The following NRF1 variants were observed in gnomAD, a reference collection of about 807,000 sequenced individuals.
NRF1 encodes the protein nuclear respiratory factor 1.
In NRF1, 5 loss-of-function variants were observed where a neutral mutation model predicts 58.5. The observed-to-expected ratio is 0.09, with a 90% CI of 0.04 to 0.18. NRF1 has a LOEUF of 0.18. NRF1 is among the 10% of genes least tolerant of loss of function. The pLI is 1.00. For synonymous variants in NRF1, 224 were observed against 246.7 expected (o/e 0.91, Z 0.86); for missense variants, 288 against 657.7 (o/e 0.44, Z 6.15).
intron 5 of NRF1, among the ~76,000 whole-genome samples, chr7:129,696,101 G>A (rs1421021859): frequency 3.5e-5 from 5 of 144,702 alleles, no homozygotes; most frequent in African/African-American, 5.1e-5. Flanking sequence ...CAAATTAGCC[G>A]GGCTTAGTGG....
At chr7:129,672,796 T>C (rs1187631621) in intron 3 of NRF1, among the ~76,000 whole-genome samples, 1 of 152,172 alleles carries the variant, frequency 6.6e-6, no homozygotes, top group Non-Finnish European at 1.5e-5. Context: ...TTGTGATGCC[T>C]CTAACCATTA....
chr7:129,675,404 CT>C (rs1802153131), intron 3 of NRF1, among the ~76,000 whole-genome samples: 1 of 152,200 alleles, frequency 6.6e-6, no homozygotes, highest in African/African-American at 2.4e-5. Flanking sequence ...TTAATGGCAT[CT>C]TGAATGGTGA....
At chr7:129,657,619 T>TTC in intron 2 of NRF1, 45 bp downstream of exon 2, 1 of 1,426,510 alleles carries the variant, frequency 7.0e-7, no homozygotes. Flanking sequence ...TTTTTTTTTT[T>TTC]TTTTTTTGGA....
intron 1 of NRF1, among the ~76,000 whole-genome samples, chr7:129,613,823 G>A (rs938540751): frequency 2.0e-5 from 3 of 152,178 alleles, no homozygotes; most frequent in Non-Finnish European, 2.9e-5. Flanking sequence ...GCCGAGGCAA[G>A]AGAATCGCTT....
chr7:129,658,359 A>G (rs967118889), intron 2 of NRF1, among the ~76,000 whole-genome samples: 10 of 152,166 alleles, frequency 6.6e-5, no homozygotes, highest in African/African-American at 2.2e-4. Flanking sequence ...TGGGAGGCCA[A>G]GGTGGGAGGA....
intron 5 of NRF1, among the ~76,000 whole-genome samples, chr7:129,699,299 T>C (rs1401873454): frequency 1.3e-5 from 2 of 152,110 alleles, no homozygotes; most frequent in African/African-American, 2.4e-5. Context: ...TTTGTTCTGT[T>C]TTGAAAAAAC....
chr7:129,734,607 A>G (rs1244315098), intron 10 of NRF1, among the ~76,000 whole-genome samples: 2 of 152,134 alleles, frequency 1.3e-5, no homozygotes, highest in Non-Finnish European at 2.9e-5. Context: ...CTCCCTCTGC[A>G]CACACACAGG....
rs558880717 is a variant in NRF1 at position 129,637,736 on chromosome 7, T to C, written c.-6-19610T>C. 3.9e-5 allele frequency among the ~76,000 whole-genome samples: 6 copies of C among 152,344 alleles called. No homozygotes were observed. The East Asian group carries it at 1.2e-3, about 29-fold the overall frequency. ...TTGTGTGTCAATACACATAAATCTATTTCATCCTTTAAGACAAGCTTATCC... is the reference window on the plus strand; with the variant it reads ...TTGTGTGTCAATACACATAAATCTACTTCATCCTTTAAGACAAGCTTATCC... On this transcript the variant is annotated intron_variant, in intron 1 of 10. Transcript: ENST00000393232.
At chr7:129,711,656 T>A in intron 8 of NRF1, 80 bp downstream of exon 8, 1 of 1,103,208 alleles carries the variant, frequency 9.1e-7, no homozygotes, top group Non-Finnish European at 1.3e-6. Flanking sequence ...GAAGATGGAG[T>A]AGCCTGCATG....
At chr7:129,691,364 A>ATTTT (rs35512508) in intron 5 of NRF1, among the ~76,000 whole-genome samples, 126 of 134,086 alleles carry the variant, frequency 9.4e-4, no homozygotes, top group Non-Finnish European at 1.1e-3. Flanking sequence ...TATTATTATT[A>ATTTT]TTTTTTTTTT....
chr7:129,636,215 T>C (rs1450710706), intron 1 of NRF1, among the ~76,000 whole-genome samples: 1 of 115,696 alleles, frequency 8.6e-6, no homozygotes, highest in East Asian at 2.8e-4. Flanking sequence ...TCATCCTGTT[T>C]TTGTTCAATG....
At chr7:129,694,879 G>A (rs1270318965) in intron 5 of NRF1, among the ~76,000 whole-genome samples, 1 of 152,148 alleles carries the variant, frequency 6.6e-6, no homozygotes, top group Non-Finnish European at 1.5e-5. Context: ...ATGCCCTCCA[G>A]TTAAACACAG....
intron 1 of NRF1, among the ~76,000 whole-genome samples, chr7:129,624,288 C>T (rs188578658): frequency 6.7e-4 from 102 of 152,208 alleles, no homozygotes; most frequent in African/African-American, 2.3e-3. Context: ...CATTTGTTTG[C>T]ATATTGCTTG....
chr7:129,691,635 G>A (rs760669624), intron 5 of NRF1, among the ~76,000 whole-genome samples: 17 of 152,072 alleles, frequency 1.1e-4, no homozygotes, highest in Non-Finnish European at 1.9e-4. Context: ...GATTACAGGC[G>A]TGAGCCACCA....
At position 129,671,508 on chromosome 7, in the gene NRF1, A is replaced by T. The variant is rs1445228203; in HGVS notation, c.303A>T (p.Pro101=). The change falls in exon 3 of 11, where the codon CCA becomes CCT. Residue 101 remains proline (P), a synonymous_variant. Coordinates refer to ENST00000393232, the MANE Select transcript of NRF1 (RefSeq NM_005011.5). ...RKRPHVFESN[P]SIRKRQQTRL... ...GGCCTCATGTATTTGAGTCTAATCC[A>T]TCTATCCGGAAGAGGCAACAAACAC... 1.2e-6 allele frequency: 2 copies of T among 1,613,380 alleles called. 1 individual carries two copies. Among genetic ancestry groups the T allele is most frequent in the South Asian group, 2.2e-5 (2 of 91,066 alleles).
chr7:129,704,306 G>A (rs563495822), intron 5 of NRF1, among the ~76,000 whole-genome samples: 78 of 151,738 alleles, frequency 5.1e-4, no homozygotes, highest in Non-Finnish European at 9.1e-4. Context: ...TTCTTCTGCC[G>A]CCTTCTGCTT....
Position 129,741,028 on chromosome 7 carries a change from C to T in NRF1, c.1348+13663C>T, listed in dbSNP as rs368236351. ...TACCTCTAGTCGACATGTCAGGGCC[C>T]CAAAGGAATCAAGTCCCTTTGGCAT... On this transcript the variant is annotated intron_variant, in intron 10 of 10. Coordinates refer to ENST00000393232, the MANE Select transcript of NRF1 (RefSeq NM_005011.5). This position sits in a 1 kb window ranked among gnomAD's most constrained non-coding sequence, Gnocchi z 4.0. 9.2e-5 allele frequency among the ~76,000 whole-genome samples: 14 copies of T among 152,182 alleles called. No individual in the cohort carries two copies. The East Asian group carries it at 2.7e-3, about 29-fold the overall frequency.
intron 1 of NRF1, among the ~76,000 whole-genome samples, chr7:129,642,756 A>G (rs201879081): frequency 2.3e-5 from 3 of 131,682 alleles, no homozygotes; most frequent in African/African-American, 7.8e-5. Context: ...TTCTTTAAAA[A>G]ATTTTTTTTT....
At chr7:129,657,706 T>C in intron 2 of NRF1, 132 bp downstream of exon 2, 1 of 621,636 alleles carries the variant, frequency 1.6e-6, no homozygotes, top group Non-Finnish European at 2.8e-6. Flanking sequence ...ATCTTCCGGG[T>C]TCAAGTGATT....
Sources: gnomAD v4.1 joint callset for allele counts (sites outside exome capture counted in the v4.1 genomes callset) on GRCh38, gnomAD v4.1.1 for gene constraint, Gnocchi (gnomAD v3.1) non-coding constraint, MANE v1.5 for transcripts, NCBI Gene and HGNC (gene_info 2026-07-23, HGNC 2026-07-21) for gene names.